The following PTGER3 variants were observed in gnomAD, a reference collection of about 807,000 sequenced individuals.
PTGER3 encodes the protein prostaglandin E receptor 3, also known as prostaglandin E2 receptor EP3 subtype.
In PTGER3, 22 loss-of-function variants were observed where a neutral mutation model predicts 34.7. The observed-to-expected ratio is 0.63, with a 90% CI of 0.45 to 0.91. The LOEUF (loss-of-function observed/expected upper bound fraction) is 0.91. Among genes scored for constraint, PTGER3 ranks in the 40% least tolerant of loss-of-function variants. The pLI is 0.00. For synonymous variants in PTGER3, 241 were observed against 230.1 expected (o/e 1.05, Z -0.43); for missense variants, 468 against 519.4 (o/e 0.90, Z 0.96).
chr1:70,870,924 G>A (rs530513946), intron 4 of PTGER3, among the ~76,000 whole-genome samples: 6 of 152,050 alleles, frequency 3.9e-5, no homozygotes, highest in Non-Finnish European at 5.9e-5. Flanking sequence ...TCTTCCTGTC[G>A]TCTTCTTCTG....
At chr1:70,950,944 G>C (rs969943163), downstream of PTGER3, 1 of 152,146 alleles carries the variant, frequency 6.6e-6, no homozygotes, top group African/African-American at 2.4e-5. Flanking sequence ...TAAAACCCCT[G>C]ATCTCAAGTA....
chr1:70,877,887 A>G (rs894216496), intron 4 of PTGER3, among the ~76,000 whole-genome samples: 1 of 152,148 alleles, frequency 6.6e-6, no homozygotes, highest in Non-Finnish European at 1.5e-5. Context: ...ATGTTCATCA[A>G]GGACACTGGC....
At chr1:70,991,621 C>T (rs1655489833) in intron 2 of PTGER3, among the ~76,000 whole-genome samples, 1 of 152,222 alleles carries the variant, frequency 6.6e-6, no homozygotes, top group Non-Finnish European at 1.5e-5. Context: ...GCTACAATAG[C>T]TTCAGGTGTC....
chr1:70,892,292 A>C (rs1646634904), intron 4 of PTGER3, among the ~76,000 whole-genome samples: 1 of 152,228 alleles, frequency 6.6e-6, no homozygotes, highest in Non-Finnish European at 1.5e-5. Context: ...CCTACCTCAC[A>C]TGTTCCTTCT....
At chr1:70,983,023 CT>C (rs1654538545) in intron 2 of PTGER3, among the ~76,000 whole-genome samples, 1 of 152,026 alleles carries the variant, frequency 6.6e-6, no homozygotes, top group Admixed American at 6.5e-5. Context: ...GAATAAGGAG[CT>C]TTATGAGGGT....
intron 4 of PTGER3, among the ~76,000 whole-genome samples, chr1:70,880,233 T>G (rs537531542): frequency 6.6e-6 from 1 of 152,292 alleles, no homozygotes; most frequent in African/African-American, 2.4e-5. Context: ...TAACAGTCTT[T>G]CCTTTCCATA....
chr1:71,042,499 AATC>A (rs1365111542), intron 1 of PTGER3, among the ~76,000 whole-genome samples: 6 of 152,072 alleles, frequency 3.9e-5, no homozygotes, highest in Admixed American at 2.6e-4. Flanking sequence ...TCAGTTTTAT[AATC>A]ATAGAATATT....
At chr1:70,982,773 A>T (rs1198746568) in intron 2 of PTGER3, among the ~76,000 whole-genome samples, 2 of 151,872 alleles carry the variant, frequency 1.3e-5, no homozygotes, top group African/African-American at 4.8e-5. Context: ...CTGCTTTTTA[A>T]ATTTCACTGT....
chr1:71,002,996 A>G (rs1213216087), intron 2 of PTGER3, among the ~76,000 whole-genome samples: 2 of 152,234 alleles, frequency 1.3e-5, no homozygotes, highest in Admixed American at 1.3e-4. Flanking sequence ...AGAGCTGTTT[A>G]TGATTGACAA....
rs140662109 is a variant in PTGER3, at chr1:70,975,765, C to T, written c.1078-1377G>A. Among the ~76,000 whole-genome samples, 76 of 152,234 alleles carry T rather than the reference C, an allele frequency of 5.0e-4. 1 individual carries two copies. The East Asian group carries it at 0.014, about 29-fold the overall frequency. On this transcript the variant is annotated intron_variant, in intron 2 of 3. Coordinates refer to ENST00000306666, the MANE Select transcript of PTGER3 (RefSeq NM_198719.2). ...AGAAAAAGTTTAGTGGCAATTTGCA[C>T]AGAAATTTTATGGTTCTGGAAGAGT...
intron 4 of PTGER3, among the ~76,000 whole-genome samples, chr1:70,854,805 A>T (rs1341011210): frequency 6.6e-6 from 1 of 152,212 alleles, no homozygotes; most frequent in African/African-American, 2.4e-5. Flanking sequence ...ACACATGGCC[A>T]CTGTCATAAA....
At chr1:70,920,000 G>A (rs1463602255) in intron 4 of PTGER3, among the ~76,000 whole-genome samples, 1 of 151,524 alleles carries the variant, frequency 6.6e-6, no homozygotes, top group Non-Finnish European at 1.5e-5. Flanking sequence ...GTTTTACTGG[G>A]GCAAGCCTGG....
In PTGER3 at chr1:71,041,438, T is replaced by C. The variant is rs957330834; in HGVS notation, c.897+5243A>G. Among the ~76,000 whole-genome samples the C allele has an allele frequency of 1.3e-5, 2 of 152,200 alleles. 1 individual carries two copies. Among genetic ancestry groups the C allele is most frequent in the African/African-American group, 4.8e-5 (2 of 41,450 alleles). ...AATTCCAAGTACAGTTTCTACTGAA[T>C]GTGCATTCCTTTCACACCATCATGA... On this transcript the variant is annotated intron_variant, in intron 1 of 3. Coordinates refer to ENST00000306666, the MANE Select transcript of PTGER3 (RefSeq NM_198719.2).
At chr1:71,034,954 C>T (rs982151884) in intron 1 of PTGER3, among the ~76,000 whole-genome samples, 1 of 152,116 alleles carries the variant, frequency 6.6e-6, no homozygotes, top group Non-Finnish European at 1.5e-5. Context: ...ATGCCTATCT[C>T]ATAGGGTTAT....
At chr1:70,959,682 A>G (rs1009450990) in intron 2 of PTGER3, among the ~76,000 whole-genome samples, 1 of 151,834 alleles carries the variant, frequency 6.6e-6, no homozygotes, top group Non-Finnish European at 1.5e-5. Flanking sequence ...TTTTTCATCT[A>G]TGTTTTATAG....
chr1:70,888,149 G>A (rs924703792), intron 4 of PTGER3, among the ~76,000 whole-genome samples: 2 of 152,132 alleles, frequency 1.3e-5, no homozygotes, highest in Admixed American at 6.5e-5. Context: ...GACTCAAAAA[G>A]CCCTCTTAGC....
chr1:71,005,900 C>T (rs1215208934), intron 2 of PTGER3: 1 of 872,346 alleles, frequency 1.1e-6, no homozygotes, highest in Non-Finnish European at 1.4e-6. Flanking sequence ...TTAATAATCA[C>T]AATTGTACAT....
chr1:70,928,076 T>C (rs1430276520), intron 4 of PTGER3, among the ~76,000 whole-genome samples: 1 of 150,452 alleles, frequency 6.6e-6, no homozygotes, highest in Non-Finnish European at 1.5e-5. Context: ...GCTTTAAAAA[T>C]AAATTATGAA....
intron 2 of PTGER3, among the ~76,000 whole-genome samples, chr1:71,005,608 C>G (rs1482294455): frequency 6.6e-6 from 1 of 152,138 alleles, no homozygotes; most frequent in Admixed American, 6.5e-5. Flanking sequence ...GAGCTTGGCA[C>G]TTAATAGGTA....
Sources: gnomAD v4.1 joint callset for allele counts (sites outside exome capture counted in the v4.1 genomes callset) on GRCh38, gnomAD v4.1.1 for gene constraint, MANE v1.5 for transcripts, NCBI Gene and HGNC (gene_info 2026-07-23, HGNC 2026-07-21) for gene names.